The following GSN variants were observed in gnomAD, a reference collection of about 807,000 sequenced individuals.
The protein encoded by GSN is actin-depolymerizing factor.
A neutral mutation model predicts 85.7 loss-of-function variants in GSN; 56 were observed. The ratio of observed to expected loss-of-function variants is 0.65; its 90% CI spans 0.53 to 0.82. The LOEUF (loss-of-function observed/expected upper bound fraction) is 0.82, where lower values mean the gene tolerates loss of function less well. Among genes scored for constraint, GSN ranks in the 40% least tolerant of loss-of-function variants. The pLI, the probability that GSN is intolerant of heterozygous loss-of-function variation, is 0.00. For missense variants in GSN, 857 were observed against 979.8 expected (o/e 0.87, Z 1.67); for synonymous variants, 373 against 399.1 (o/e 0.93, Z 0.78).
chr9:121,278,934 ATG>A (rs1414978958), intron 1 of GSN, among the ~76,000 whole-genome samples: 1 of 152,246 alleles, frequency 6.6e-6, no homozygotes, highest in East Asian at 1.9e-4. Context: ...GGCTCTGTGA[ATG>A]TGTGTGTGCA....
intron 1 of GSN, 182 bp from the exon 2 acceptor site, chr9:121,281,288 C>T (rs960986589): frequency 3.6e-6 from 1 of 275,084 alleles, no homozygotes; most frequent in Non-Finnish European, 7.2e-6. Context: ...CGCAGCCAAA[C>T]CCTCCAGCAG....
chr9:121,263,544 G>C (rs1004633171), upstream of GSN, among the ~76,000 whole-genome samples: 1 of 152,050 alleles, frequency 6.6e-6, no homozygotes, highest in Non-Finnish European at 1.5e-5. Context: ...CAAGTCTTAC[G>C]TGGTGGCAGG....
chr9:121,210,677 C>A (rs145328118), intron 3 of GSN: 2 of 152,312 alleles, frequency 1.3e-5, no homozygotes, highest in Non-Finnish European at 2.9e-5. Context: ...TGTGGTTTGG[C>A]AACTGTAAAC....
chr9:121,331,684 A>G (rs753602076), intron 17 of GSN: 3 of 479,048 alleles, frequency 6.3e-6, no homozygotes, highest in Non-Finnish European at 1.1e-5. Flanking sequence ...CCTCTGTTCC[A>G]GGAGAAGGAA....
In GSN at chr9:121,230,447, C is replaced by T. The variant is rs572564725; in HGVS notation, c.-527-718C>T. On this transcript the variant is annotated intron_variant, in intron 4 of 24. Transcript: ENST00000373823. Reference sequence around the variant, plus strand: ...CAGAGCTTGCCTAATAAGATGGAGACATCTGGATGGTATCTTTGAACTTAC... The same window carrying T: ...CAGAGCTTGCCTAATAAGATGGAGATATCTGGATGGTATCTTTGAACTTAC... Among the ~76,000 whole-genome samples the T allele has an allele frequency of 3.3e-5, 5 of 152,266 alleles. No homozygotes were observed. The South Asian group carries it at 1.0e-3, about 32-fold the overall frequency.
At chr9:121,292,720 G>A (rs1293863079) in intron 2 of GSN, among the ~76,000 whole-genome samples, 1 of 152,126 alleles carries the variant, frequency 6.6e-6, no homozygotes, top group African/African-American at 2.4e-5. Context: ...TATTCCTTAG[G>A]TTGGAAGGTC....
chr9:121,312,295 T>C (rs1356296820), intron 5 of GSN, 44 bp from the exon 6 acceptor site: 10 of 1,610,150 alleles, frequency 6.2e-6, no homozygotes, highest in Non-Finnish European at 7.6e-6. Context: ...GGGCGGGGCT[T>C]ATAGGAAGGC....
intron 11 of GSN, among the ~76,000 whole-genome samples, chr9:121,322,323 T>G (rs2133781191): frequency 6.6e-6 from 1 of 152,354 alleles, no homozygotes; most frequent in Non-Finnish European, 1.5e-5. Context: ...CTTTTCTGAC[T>G]CCATTCTTCC....
chr9:121,287,107 C>G (rs1399970866), intron 2 of GSN, among the ~76,000 whole-genome samples: 1 of 151,976 alleles, frequency 6.6e-6, no homozygotes, highest in Non-Finnish European at 1.5e-5. Flanking sequence ...CCCTCCCCTC[C>G]CTCTCTTGGC....
intron 6 of GSN, chr9:121,313,267 T>C (rs562333071): frequency 6.2e-6 from 1 of 160,270 alleles, no homozygotes; most frequent in Admixed American, 5.8e-5. Context: ...GTTGAGGACG[T>C]ATCAATAGAG....
intron 2 of GSN, among the ~76,000 whole-genome samples, chr9:121,292,431 A>G (rs530991731): frequency 6.6e-6 from 1 of 152,292 alleles, no homozygotes; most frequent in Admixed American, 6.5e-5. Flanking sequence ...GGTATGAGGT[A>G]GGTATAGGGC....
intron 11 of GSN, 44 bp downstream of exon 11, chr9:121,321,445 T>C (rs554965020): frequency 6.2e-7 from 1 of 1,602,992 alleles, no homozygotes; most frequent in African/African-American, 1.3e-5. Flanking sequence ...GGGTACTGGC[T>C]GGGCCCTGAG....
intron 4 of GSN, 55 bp downstream of exon 4, chr9:121,303,120 G>A: frequency 1.3e-6 from 2 of 1,543,922 alleles, no homozygotes; most frequent in Non-Finnish European, 1.8e-6. Context: ...CAGTAACAGG[G>A]CTCACTCAGG....
intron 11 of GSN, among the ~76,000 whole-genome samples, chr9:121,323,244 A>G (rs1036919274): frequency 3.3e-5 from 5 of 152,204 alleles, no homozygotes; most frequent in South Asian, 4.1e-4. Flanking sequence ...ATATTCACCT[A>G]TGTTCACATC....
chr9:121,223,079 C>T (rs1209066212), intron 4 of GSN: 1 of 152,090 alleles, frequency 6.6e-6, no homozygotes, highest in Non-Finnish European at 1.5e-5. Flanking sequence ...ACCAGTCCGG[C>T]GTTCCTACAG....
chr9:121,294,452 C>T (rs761046599), intron 2 of GSN, among the ~76,000 whole-genome samples: 1 of 152,206 alleles, frequency 6.6e-6, no homozygotes, highest in Non-Finnish European at 1.5e-5. Flanking sequence ...ATGGCCAAAT[C>T]TGGCTGCTTC....
Position 121,255,727 on chromosome 9 carries a change from CT to C in GSN, c.-341+7406del, listed in dbSNP as rs1184633101. ...ATTTAAATAAATTTATTTAAATAAT[CT>C]TCTTTTGGTGAACCTTTAGGTGATT... On this transcript the variant is annotated intron_variant, in intron 6 of 24. Transcript: ENST00000373823. Among the ~76,000 whole-genome samples, 5 of 152,166 alleles carry C rather than the reference CT, an allele frequency of 3.3e-5. No individual in the cohort carries two copies. The East Asian group carries it at 7.7e-4, about 23-fold the overall frequency.
intron 7 of GSN, among the ~76,000 whole-genome samples, chr9:121,315,016 A>T (rs1264231860): frequency 1.3e-5 from 2 of 152,118 alleles, no homozygotes; most frequent in East Asian, 3.9e-4. Context: ...GTACGCCACC[A>T]CGCCCAGCTA....
At chr9:121,294,353 C>T (rs1257684501) in intron 2 of GSN, among the ~76,000 whole-genome samples, 1 of 152,174 alleles carries the variant, frequency 6.6e-6, no homozygotes, top group African/African-American at 2.4e-5. Flanking sequence ...ACTGACCCAC[C>T]ACACCTCTCA....
Sources: gnomAD v4.1 joint callset for allele counts (sites outside exome capture counted in the v4.1 genomes callset) on GRCh38, gnomAD v4.1.1 for gene constraint, MANE v1.5 for transcripts, NCBI Gene and HGNC (gene_info 2026-07-23, HGNC 2026-07-21) for gene names.